Variants in PARVA observed in about 807,000 individuals in gnomAD.
PARVA encodes the protein parvin alpha.
In PARVA, 25 loss-of-function variants were observed where a neutral mutation model predicts 52.6. That is an observed-to-expected ratio of 0.48 (90% CI 0.35 to 0.66). The LOEUF is 0.66. PARVA is among the 30% of genes least tolerant of loss of function. The pLI is 0.01. For synonymous variants in PARVA, 185 were observed against 179.1 expected, an observed-to-expected ratio of 1.03 and a Z score of -0.26; for missense variants, 373 against 450.9, an observed-to-expected ratio of 0.83 and a Z score of 1.56.
chr11:12,392,671 A>G (rs1184968361), intron 1 of PARVA, among the ~76,000 whole-genome samples: 1 of 152,230 alleles, frequency 6.6e-6, no homozygotes, highest in Non-Finnish European at 1.5e-5. Context: ...GAATAATGTG[A>G]CTATGAATTT....
intron 1 of PARVA, among the ~76,000 whole-genome samples, chr11:12,429,105 C>T (rs1002768119): frequency 6.6e-6 from 1 of 152,248 alleles, no homozygotes; most frequent in Non-Finnish European, 1.5e-5. Context: ...AGCTTCTTCC[C>T]AAGTAGCTGG....
At chr11:12,518,364 TG>T in intron 11 of PARVA, 80 bp from the exon 12 acceptor site, 2 of 1,013,768 alleles carry the variant, frequency 2.0e-6, no homozygotes, top group Middle Eastern at 2.1e-4. Context: ...GCTACAGTGC[TG>T]GGCTCCTTCA....
At chr11:12,460,737 T>A (rs566688401) in intron 1 of PARVA, among the ~76,000 whole-genome samples, 2 of 152,294 alleles carry the variant, frequency 1.3e-5, no homozygotes, top group South Asian at 4.2e-4. Flanking sequence ...AATAAATGAC[T>A]GGCTGTTCAG....
At chr11:12,466,021 T>G (rs1405903929) in intron 1 of PARVA, among the ~76,000 whole-genome samples, 10 of 152,230 alleles carry the variant, frequency 6.6e-5, no homozygotes, top group Non-Finnish European at 8.8e-5. Context: ...TTGTCAGTTT[T>G]TTTTGGATTA....
At chr11:12,478,463 G>C in intron 4 of PARVA, 1 of 225,178 alleles carries the variant, frequency 4.4e-6, no homozygotes, top group Non-Finnish European at 8.9e-6. Context: ...GAGAATTCAG[G>C]GGTAATCTTA....
chr11:12,430,614 C>T (rs1056645874), intron 1 of PARVA, among the ~76,000 whole-genome samples: 5 of 152,144 alleles, frequency 3.3e-5, no homozygotes, highest in African/African-American at 7.2e-5. Flanking sequence ...TTGCCTAAGC[C>T]TTATTACTCA....
At chr11:12,527,400 C>T (rs1443749288) in intron 12 of PARVA, among the ~76,000 whole-genome samples, 4 of 152,170 alleles carry the variant, frequency 2.6e-5, no homozygotes, top group African/African-American at 9.7e-5. Context: ...TTCTGCCATG[C>T]TGTATTCTTA....
intron 1 of PARVA, among the ~76,000 whole-genome samples, chr11:12,409,872 A>C (rs1564840539): frequency 6.6e-6 from 1 of 152,234 alleles, no homozygotes; most frequent in Non-Finnish European, 1.5e-5. Context: ...AGTTTAGTAC[A>C]TTCCAGTATT....
At chr11:12,500,226 T>C (rs1430649384) in intron 5 of PARVA, among the ~76,000 whole-genome samples, 1 of 152,208 alleles carries the variant, frequency 6.6e-6, no homozygotes, top group Non-Finnish European at 1.5e-5. Flanking sequence ...TTTTAAATAC[T>C]GCTTTCCAGC....
intron 1 of PARVA, among the ~76,000 whole-genome samples, chr11:12,460,693 T>G (rs1476399580): frequency 6.6e-6 from 1 of 152,162 alleles, no homozygotes; most frequent in Non-Finnish European, 1.5e-5. Flanking sequence ...GTAGTTGATG[T>G]GGCACTTTTT....
chr11:12,439,739 C>T (rs1940436750), intron 1 of PARVA, among the ~76,000 whole-genome samples: 1 of 152,166 alleles, frequency 6.6e-6, no homozygotes, highest in African/African-American at 2.4e-5. Flanking sequence ...GCTTTCTCTG[C>T]CCCAGCTGCC....
intron 6 of PARVA, 59 bp from the exon 7 acceptor site, chr11:12,508,525 T>C: frequency 5.0e-6 from 6 of 1,203,516 alleles, no homozygotes; most frequent in Non-Finnish European, 7.4e-6. Context: ...TGTTTCTGTA[T>C]TTTTCTAAAG....
Position 12,533,251 on chromosome 11 carries a change from C to G in PARVA, c.*5326C>G, listed in dbSNP as rs1239105011. ...AAATAAGGGGCCTACCAGGCCAGAA[C>G]GCTGATCCATGGAGACCAGTGCTTC... On this transcript the variant is annotated 3_prime_UTR_variant, in exon 13 of 13. Coordinates refer to ENST00000334956, the MANE Select transcript of PARVA (RefSeq NM_018222.5). Among the ~76,000 whole-genome samples the G allele has an allele frequency of 6.6e-6, 1 of 152,204 alleles. No individual in the cohort carries two copies. Among genetic ancestry groups the G allele is most frequent in the Non-Finnish European group, 1.5e-5 (1 of 68,046 alleles).
chr11:12,508,761 C>T, intron 7 of PARVA, 119 bp downstream of exon 7: 1 of 810,096 alleles, frequency 1.2e-6, no homozygotes, highest in Non-Finnish European at 2.1e-6. Flanking sequence ...GATTAGACTT[C>T]AGCCAATGAT....
intron 1 of PARVA, among the ~76,000 whole-genome samples, chr11:12,385,220 T>C (rs566489660): frequency 1.3e-5 from 2 of 152,182 alleles, no homozygotes; most frequent in East Asian, 1.9e-4. Flanking sequence ...CCCCAGCTAC[T>C]CAGGAGGCTG....
Position 12,377,738 on chromosome 11 carries a change from G to C in PARVA, c.91G>C (p.Gly31Arg). 1 of 1,556,736 alleles carries C rather than the reference G, an allele frequency of 6.4e-7. No homozygotes were observed. The highest frequency in any genetic ancestry group is 8.6e-7 in the Non-Finnish European group (1 of 1,156,650). The change falls in exon 1 of 13, where the codon GGG becomes CGG. Residue 31 changes from glycine to arginine, a missense_variant. Transcript: ENST00000334956. ...CCGCAAGAAAGATGATTCCTTCTTGGGGAAACTCGGAGGGACCCTGGCCCG... is the reference window on the plus strand; with the variant it reads ...CCGCAAGAAAGATGATTCCTTCTTGCGGAAACTCGGAGGGACCCTGGCCCG... ...PSRKKDDSFLGKLGGTLARRK... is the reference protein window; with the variant it reads ...PSRKKDDSFLRKLGGTLARRK...
chr11:12,402,285 G>T (rs11022340), intron 1 of PARVA, among the ~76,000 whole-genome samples: 29,420 of 152,132 alleles, frequency 0.19, 3,573 homozygotes, highest in East Asian at 0.54. Context: ...GTGGCCCTCA[G>T]AAGAGCAAAA....
chr11:12,397,880 G>C (rs1268698917), intron 1 of PARVA, among the ~76,000 whole-genome samples: 1 of 151,100 alleles, frequency 6.6e-6, no homozygotes, highest in Non-Finnish European at 1.5e-5. Context: ...CACTCCTCTG[G>C]ATGCAGAGGG....
intron 1 of PARVA, among the ~76,000 whole-genome samples, chr11:12,391,588 G>C (rs552460853): frequency 6.6e-6 from 1 of 152,318 alleles, no homozygotes; most frequent in South Asian, 2.1e-4. Context: ...TTTCACGTGA[G>C]TGTGGACGAC....
Sources: allele counts gnomAD v4.1 joint callset (sites outside exome capture counted in the v4.1 genomes callset), GRCh38; gene constraint gnomAD v4.1.1; transcripts MANE v1.5; gene names NCBI Gene and HGNC (gene_info 2026-07-23, HGNC 2026-07-21).